PADI3: variants seen among roughly 807,000 people sequenced by gnomAD.
The protein encoded by PADI3 is protein-arginine deiminase type-3.
A neutral mutation model predicts 71.5 loss-of-function variants in PADI3; 53 were observed. The observed-to-expected ratio is 0.74, with a 90% CI of 0.59 to 0.93. PADI3 has a LOEUF of 0.93. Among genes scored for constraint, PADI3 ranks in the 40% least tolerant of loss-of-function variants. The probability of loss-of-function intolerance (pLI) is 0.00; values close to 1 mark genes in which losing one functional copy is unlikely to be tolerated. For missense variants in PADI3, 821 were observed against 868.0 expected (o/e 0.95, Z 0.68); for synonymous variants, 361 against 347.5 (o/e 1.04, Z -0.43).
chr1:17,258,668 CA>C (rs1356436075), intron 1 of PADI3, among the ~76,000 whole-genome samples: 4 of 152,250 alleles, frequency 2.6e-5, no homozygotes, highest in African/African-American at 9.6e-5. Flanking sequence ...CCTTGAGCCT[CA>C]GTTGCTAATA....
At chr1:17,274,580 G>A (rs758768315) in intron 10 of PADI3, 55 bp from the exon 11 acceptor site, 15 of 1,538,684 alleles carry the variant, frequency 9.7e-6, no homozygotes, top group Non-Finnish European at 1.3e-5. Flanking sequence ...CAGCAAGTTG[G>A]TTCAGGCCCT....
intron 13 of PADI3, 91 bp downstream of exon 13, chr1:17,276,967 T>C: frequency 9.0e-7 from 1 of 1,108,200 alleles, no homozygotes; most frequent in Admixed American, 2.6e-5. Flanking sequence ...AGGGCAAGTT[T>C]TAAAGCAGGG....
chr1:17,264,931 C>T (rs1257386224), intron 3 of PADI3, among the ~76,000 whole-genome samples: 1 of 151,420 alleles, frequency 6.6e-6, no homozygotes, highest in East Asian at 1.9e-4. Context: ...ATTACTTGAG[C>T]CCAGGAGGCA....
chr1:17,282,798 T>C lies in PADI3; in HGVS notation c.1762-48T>C, dbSNP rs1216245977. The C allele has an allele frequency of 2.9e-6, 4 of 1,400,244 alleles. No homozygotes were observed. In the African/African-American group the frequency reaches 5.7e-5, roughly 20 times the overall value. The allele number at this position is 1,400,244 out of a possible 1,614,324, so 86.7% of individuals were successfully genotyped here. On this transcript the variant is annotated intron_variant, in intron 15 of 15. Coordinates refer to ENST00000375460, the MANE Select transcript of PADI3 (RefSeq NM_016233.2). The stretch of plus-strand genomic sequence containing the variant: ...AGGTCCTGCAGGTAGAGTAGAGGTG[T>C]GGGGTGGGAGCCCAGTGATGAAGTG...
At chr1:17,278,352 C>T (rs542192153) in intron 13 of PADI3, among the ~76,000 whole-genome samples, 7 of 152,188 alleles carry the variant, frequency 4.6e-5, no homozygotes, top group East Asian at 1.9e-4. Context: ...CGCAGCCTTG[C>T]GAGTAGCTAG....
chr1:17,266,126 T>C (rs981562064), intron 4 of PADI3, among the ~76,000 whole-genome samples: 1 of 152,246 alleles, frequency 6.6e-6, no homozygotes, highest in Non-Finnish European at 1.5e-5. Flanking sequence ...GACTGTGTGC[T>C]AATAAAACTT....
rs1171838559 is a variant in PADI3 at position 17,267,828 on chromosome 1, G to A, written c.527-9G>A. The A allele has an allele frequency of 1.2e-6, 2 of 1,613,000 alleles. No homozygotes were observed. On this transcript the variant is annotated splice_polypyrimidine_tract_variant and intron_variant, in intron 5 of 15. Coordinates refer to ENST00000375460, the MANE Select transcript of PADI3 (RefSeq NM_016233.2). ...CCTTGAGTCACTACCACTCTGTCTG[G>A]CTTCACAGACCTGGAAGACATGTCT...
At chr1:17,262,025 C>A in intron 2 of PADI3, 108 bp from the exon 3 acceptor site, 1 of 890,912 alleles carries the variant, frequency 1.1e-6, no homozygotes, top group Middle Eastern at 2.4e-4. Context: ...AAAGAAAGAG[C>A]AAGGTTCCTT....
chr1:17,262,169 C>G lies in PADI3; in HGVS notation c.310C>G (p.Pro104Ala). The G allele has an allele frequency of 6.2e-7, 1 of 1,613,408 alleles. No homozygotes were observed. The highest frequency in any genetic ancestry group is 1.7e-5 in the Admixed American group (1 of 59,838). ...CTACCACTCCAGCCATGAGCCTCTG[C>G]CCCTGGCCTATGCGGTGCTCTACCT... ...ISYHSSHEPL[P>A]LAYAVLYLTC... The change falls in exon 3 of 16, where the codon CCC becomes GCC. Residue 104 changes from proline (P) to alanine (A), a missense_variant. Physicochemically the swap from Pro to Ala is conservative, Grantham distance 27. Transcript: ENST00000375460.
Position 17,259,713 on chromosome 1 carries a change from C to A in PADI3, c.228C>A (p.Ile76=). The change falls in exon 2 of 16, where the codon ATC becomes ATA. Residue 76 remains isoleucine (I), a synonymous_variant. Coordinates refer to ENST00000375460, the MANE Select transcript of PADI3 (RefSeq NM_016233.2). ...RRWRFDATLE[I]IVVMNSPSND... ...GGCGCTTTGACGCGACTTTGGAGAT[C>A]ATCGTGGTCATGAACTCCCCCAGCA... The A allele has an allele frequency of 6.2e-7, 1 of 1,612,824 alleles. No individual in the cohort carries two copies. Among genetic ancestry groups the A allele is most frequent in the Non-Finnish European group, 8.5e-7 (1 of 1,179,132 alleles).
chr1:17,254,692 C>T (rs1018553719), intron 1 of PADI3, among the ~76,000 whole-genome samples: 2 of 150,616 alleles, frequency 1.3e-5, no homozygotes. Flanking sequence ...CAACTCTACA[C>T]GGGCTGGAGG....
chr1:17,257,031 C>CAAAAAAAAA (rs967292996), intron 1 of PADI3, among the ~76,000 whole-genome samples: 1 of 37,622 alleles, frequency 2.7e-5, no homozygotes. Context: ...GACTCTGTCT[C>CAAAAAAAAA]AAAAAAAAAA....
Position 17,249,203 on chromosome 1 carries a change from C to G in PADI3, c.66C>G (p.Gly22=), listed in dbSNP as rs1344213588. The part of the protein sequence containing the change: ...EHPTSAVCVA[G]VETLVDIYGS... The stretch of plus-strand genomic sequence containing the variant: ...CCACCAGCGCGGTGTGTGTGGCTGG[C>G]GTGGAGACCCTCGTGGACATTTATG... The change falls in exon 1 of 16, where the codon GGC becomes GGG. Residue 22 remains glycine, a synonymous_variant. Coordinates refer to ENST00000375460, the MANE Select transcript of PADI3 (RefSeq NM_016233.2). The G allele has an allele frequency of 5.6e-6, 9 of 1,613,906 alleles. No individual in the cohort carries two copies. Among genetic ancestry groups the G allele is most frequent in the Non-Finnish European group, 7.6e-6 (9 of 1,179,930 alleles).
chr1:17,274,965 C>G (rs2100594917), intron 11 of PADI3, among the ~76,000 whole-genome samples, 179 bp downstream of exon 11: 1 of 152,184 alleles, frequency 6.6e-6, no homozygotes, highest in Admixed American at 6.5e-5. Context: ...CCACACTTAC[C>G]TCGGGGACTC....
chr1:17,262,347 GATA>G (rs1424002703), intron 3 of PADI3, 142 bp downstream of exon 3: 6 of 610,884 alleles, frequency 9.8e-6, no homozygotes, highest in Non-Finnish European at 1.7e-5. Context: ...TTTTTCTAGA[GATA>G]CGCTGTGCTT....
intron 3 of PADI3, among the ~76,000 whole-genome samples, chr1:17,262,910 TTTTGTTTG>T (rs71575819): frequency 9.2e-5 from 14 of 151,894 alleles, no homozygotes; most frequent in South Asian, 4.1e-4. Flanking sequence ...AACGTGGCTT[TTTTGTTTG>T]TTTGTTTGTT....
chr1:17,264,922 T>G (rs970774880), intron 3 of PADI3, among the ~76,000 whole-genome samples: 3 of 151,626 alleles, frequency 2.0e-5, no homozygotes, highest in Admixed American at 2.0e-4. Context: ...AGTGGGAGGA[T>G]TACTTGAGCC....
chr1:17,257,170 C>T (rs940966321), intron 1 of PADI3, among the ~76,000 whole-genome samples: 2 of 151,996 alleles, frequency 1.3e-5, no homozygotes, highest in Non-Finnish European at 2.9e-5. Context: ...TGTCTCTTTC[C>T]GACTCCCTGT....
chr1:17,270,744 A>G (rs776685878), intron 7 of PADI3, 135 bp from the exon 8 acceptor site: 25 of 683,622 alleles, frequency 3.7e-5, no homozygotes, highest in Non-Finnish European at 5.6e-5. Flanking sequence ...AGACTTCTTG[A>G]CCACCCCTCT....
Sources: gnomAD v4.1 joint callset for allele counts (sites outside exome capture counted in the v4.1 genomes callset) on GRCh38, gnomAD v4.1.1 for gene constraint, MANE v1.5 for transcripts, NCBI Gene and HGNC (gene_info 2026-07-23, HGNC 2026-07-21) for gene names.